The following LINGO2 variants were observed in gnomAD, a reference collection of about 807,000 sequenced individuals.
The protein encoded by LINGO2 is leucine rich repeat and Ig domain containing 2.
A neutral mutation model predicts 30.6 loss-of-function variants in LINGO2; 14 were observed. The observed-to-expected ratio is 0.46, with a 90% CI of 0.30 to 0.72. The LOEUF is 0.72. Among genes scored for constraint, LINGO2 ranks in the 30% least tolerant of loss-of-function variants. LINGO2 has a pLI of 0.07. For missense variants in LINGO2, 729 were observed against 751.7 expected, an observed-to-expected ratio of 0.97 and a Z score of 0.35; for synonymous variants, 317 against 288.5, an observed-to-expected ratio of 1.10 and a Z score of -1.00.
intron 2 of LINGO2, among the ~76,000 whole-genome samples, chr9:28,383,826 G>A (rs1821455630): frequency 6.6e-6 from 1 of 152,004 alleles, no homozygotes; most frequent in African/African-American, 2.4e-5. Context: ...AGGAAGCTCT[G>A]AATTGGAAAA....
intron 2 of LINGO2, among the ~76,000 whole-genome samples, chr9:28,467,428 T>A (rs1473717313): frequency 6.6e-6 from 1 of 152,176 alleles, no homozygotes; most frequent in Non-Finnish European, 1.5e-5. Context: ...ACGTATAGAT[T>A]CTGCTTTCCC....
the LINGO2 span, among the ~76,000 whole-genome samples, chr9:29,071,786 C>T: frequency 4.0e-5 from 6 of 151,818 alleles, no homozygotes; most frequent in Non-Finnish European, 1.5e-5. Flanking sequence ...CACACATACC[C>T]TGAGTAGCAG....
chr9:28,567,195 T>C (rs903846027), intron 1 of LINGO2, among the ~76,000 whole-genome samples: 6 of 152,158 alleles, frequency 3.9e-5, no homozygotes, highest in African/African-American at 1.2e-4. Flanking sequence ...CTGGTGGCAA[T>C]GCAAATTAGT....
intron 2 of LINGO2, among the ~76,000 whole-genome samples, chr9:28,399,072 A>G (rs920235092): frequency 6.6e-6 from 1 of 152,200 alleles, no homozygotes; most frequent in East Asian, 1.9e-4. Flanking sequence ...CACCTCCTCC[A>G]TCATCAGTAG....
intron 4 of LINGO2, among the ~76,000 whole-genome samples, chr9:28,294,952 T>C (rs548487588): frequency 5.3e-5 from 8 of 152,320 alleles, no homozygotes; most frequent in African/African-American, 1.9e-4. Flanking sequence ...GAAATCTTTA[T>C]AGTATTGGCC....
At chr9:28,003,862 T>C (rs570273601) in intron 5 of LINGO2, among the ~76,000 whole-genome samples, 7 of 152,300 alleles carry the variant, frequency 4.6e-5, no homozygotes, top group African/African-American at 1.4e-4. Context: ...TGAGGATTTA[T>C]TGCATATGAA....
At chr9:27,997,488 G>T (rs999923883) in intron 5 of LINGO2, among the ~76,000 whole-genome samples, 1 of 151,930 alleles carries the variant, frequency 6.6e-6, no homozygotes, top group African/African-American at 2.4e-5. Context: ...ACAGATCCCT[G>T]CCCCTTGTTG....
At chr9:28,503,591 GA>G (rs1819980943) in intron 1 of LINGO2, among the ~76,000 whole-genome samples, 1 of 151,884 alleles carries the variant, frequency 6.6e-6, no homozygotes, top group African/African-American at 2.4e-5. Flanking sequence ...TTGTTATTTA[GA>G]AAACTTCAGT....
At chr9:28,002,465 A>T (rs948536059) in intron 5 of LINGO2, among the ~76,000 whole-genome samples, 2 of 152,198 alleles carry the variant, frequency 1.3e-5, no homozygotes, top group African/African-American at 4.8e-5. Context: ...ATTCAAAAAA[A>T]TTCTCATTTC....
chr9:28,117,225 G>T (rs1282806954), intron 4 of LINGO2, among the ~76,000 whole-genome samples: 1 of 151,990 alleles, frequency 6.6e-6, no homozygotes, highest in Admixed American at 6.6e-5. Context: ...GGCTGCCCGG[G>T]GTTCAGGGGT....
chr9:28,058,358 C>T (rs1228426423), intron 4 of LINGO2, among the ~76,000 whole-genome samples: 2 of 152,254 alleles, frequency 1.3e-5, no homozygotes, highest in African/African-American at 2.4e-5. Flanking sequence ...ACAACATGCT[C>T]ATTGTCACTC....
At chr9:28,738,040 A>G in the LINGO2 span, among the ~76,000 whole-genome samples, 2 of 152,152 alleles carry the variant, frequency 1.3e-5, no homozygotes, top group Admixed American at 6.6e-5. Context: ...CTGATAACCA[A>G]TTCTTCTGCA....
intron 2 of LINGO2, among the ~76,000 whole-genome samples, chr9:28,381,704 C>T (rs1821365424): frequency 6.6e-6 from 1 of 152,004 alleles, no homozygotes; most frequent in Admixed American, 6.6e-5. Context: ...CTACCTTAAC[C>T]AATTTTGTCT....
At chr9:29,049,816 G>A in the LINGO2 span, among the ~76,000 whole-genome samples, 1 of 152,224 alleles carries the variant, frequency 6.6e-6, no homozygotes, top group Non-Finnish European at 1.5e-5. Context: ...GTAGGGGCTG[G>A]AGGAGAGGTG....
chr9:28,908,888 A>G, the LINGO2 span, among the ~76,000 whole-genome samples: 1 of 151,934 alleles, frequency 6.6e-6, no homozygotes, highest in East Asian at 1.9e-4. Flanking sequence ...ATATATCATG[A>G]TGTATATGAT....
chr9:28,380,750 G>C (rs1778578055), intron 2 of LINGO2, among the ~76,000 whole-genome samples: 1 of 152,080 alleles, frequency 6.6e-6, no homozygotes, highest in African/African-American at 2.4e-5. Context: ...CATTTTGACA[G>C]CGATATGTAG....
the LINGO2 span, among the ~76,000 whole-genome samples, chr9:29,046,026 A>G: frequency 1.3e-5 from 2 of 152,076 alleles, no homozygotes; most frequent in African/African-American, 2.4e-5. Flanking sequence ...CAGCTAGAGG[A>G]GCTTTCAGGC....
At chr9:28,834,776 C>T in the LINGO2 span, among the ~76,000 whole-genome samples, 1 of 152,086 alleles carries the variant, frequency 6.6e-6, no homozygotes, top group African/African-American at 2.4e-5. Context: ...CTCAAGAACA[C>T]TGAATTTTAC....
the LINGO2 span, among the ~76,000 whole-genome samples, chr9:28,971,942 A>T: frequency 6.6e-6 from 1 of 152,240 alleles, no homozygotes; most frequent in Admixed American, 6.5e-5. Context: ...TAGGTTGCTC[A>T]GACCAGAGAG....
Sources: gnomAD v4.1 joint callset for allele counts (sites outside exome capture counted in the v4.1 genomes callset) on GRCh38, gnomAD v4.1.1 for gene constraint, MANE v1.5 for transcripts, NCBI Gene and HGNC (gene_info 2026-07-23, HGNC 2026-07-21) for gene names.